The following TFAP2C variants were observed in gnomAD, a reference collection of about 807,000 sequenced individuals.
TFAP2C encodes the protein activating enhancer-binding protein 2 gamma.
Under a neutral mutation model 42.9 loss-of-function variants are expected in TFAP2C, and 9 were observed. The ratio of observed to expected loss-of-function variants is 0.21; its 90% CI spans 0.13 to 0.37. The LOEUF (loss-of-function observed/expected upper bound fraction) is 0.37. Among genes scored for constraint, TFAP2C ranks in the 10% least tolerant of loss-of-function variants. The probability of loss-of-function intolerance (pLI) is 1.00; values close to 1 mark genes in which losing one functional copy is unlikely to be tolerated. For synonymous variants in TFAP2C, 264 were observed against 256.0 expected, an observed-to-expected ratio of 1.03 and a Z score of -0.30; for missense variants, 462 against 591.7, an observed-to-expected ratio of 0.78 and a Z score of 2.27.
At chr20:56,632,041 T>C (rs1393525892) in intron 3 of TFAP2C, among the ~76,000 whole-genome samples, 185 bp downstream of exon 3, 1 of 152,240 alleles carries the variant, frequency 6.6e-6, no homozygotes, top group Non-Finnish European at 1.5e-5. Flanking sequence ...TCCTAGGAGC[T>C]GTCTCTTCAT....
Position 56,633,498 on chromosome 20 carries a change from G to A in TFAP2C, c.732G>A (p.Val244=). 6.2e-7 allele frequency: 1 copy of A among 1,614,122 alleles called. No homozygotes were observed. The highest frequency in any genetic ancestry group is 8.5e-7 in the Non-Finnish European group (1 of 1,180,026). Residue 244 remains valine, a synonymous_variant, in exon 4 of 7, where the codon GTG becomes GTA. Coordinates refer to ENST00000201031, the MANE Select transcript of TFAP2C (RefSeq NM_003222.4). ...CTACGTCTAAATACAAAGTGACAGT[G>A]GCTGAAGTACAGAGGCGACTGTCCC... The part of the protein sequence containing the change: ...LSSTSKYKVT[V]AEVQRRLSPP...
chr20:56,630,764 G>T lies in TFAP2C; in HGVS notation c.49-441G>T. The stretch of plus-strand genomic sequence containing the variant: ...CGCGCACTCTATCCGCGCCTGCCGC[G>T]CTGCCACCTCCAGCAGTCCCTGCGT... On this transcript the variant is annotated intron_variant, in intron 1 of 6. Transcript: ENST00000201031. This position sits in a 1 kb window ranked among gnomAD's most constrained non-coding sequence, Gnocchi z 5.1. 1.0e-6 allele frequency: 1 copy of T among 985,338 alleles called. No homozygotes were observed. The highest frequency in any genetic ancestry group is 1.2e-6 in the Non-Finnish European group (1 of 829,908). The allele number at this position is 985,338 out of a possible 1,614,324, so 61.0% of individuals were successfully genotyped here. A position where few individuals can be genotyped will look rare whatever the true frequency, so the allele number is the denominator to read the frequency against.
chr20:56,629,309 A>C lies in TFAP2C; in HGVS notation c.-236A>C. On this transcript the variant is annotated 5_prime_UTR_variant, in exon 1 of 7. Coordinates refer to ENST00000201031, the MANE Select transcript of TFAP2C (RefSeq NM_003222.4). The surrounding 1 kb of genome is among the most constrained non-coding windows in gnomAD (Gnocchi z 5.9). ...CTCGGGTCCCCCGGCTATCGCCAGG[A>C]CACACTGTTCGGGCGCGGCTTTCCC... 1 of 394,000 alleles carries C rather than the reference A, an allele frequency of 2.5e-6. No homozygotes were observed. Among genetic ancestry groups the C allele is most frequent in the Non-Finnish European group, 4.5e-6 (1 of 223,440 alleles). The allele number at this position is 394,000 out of a possible 1,614,324, so 24.4% of individuals were successfully genotyped here. A position where few individuals can be genotyped will look rare whatever the true frequency, so the allele number is the denominator to read the frequency against.
Position 56,631,462 on chromosome 20 carries a change from C to G in TFAP2C, c.306C>G (p.Ala102=), listed in dbSNP as rs562604858. 2 of 1,548,926 alleles carry G rather than the reference C, an allele frequency of 1.3e-6. No individual in the cohort carries two copies. Among genetic ancestry groups the G allele is most frequent in the Admixed American group, 2.0e-5 (1 of 50,848 alleles). ...QPAPTGSQQQ[A]WPGRQSQEGA... ...CGCCCACAGGCAGCCAGCAGCAGGC[C>G]TGGCCCGGCCGCCAGAGCCAGGAGG... The change falls in exon 2 of 7, where the codon GCC becomes GCG. Residue 102 remains alanine, a synonymous_variant. Coordinates refer to ENST00000201031, the MANE Select transcript of TFAP2C (RefSeq NM_003222.4). The surrounding 1 kb of genome is among the most constrained non-coding windows in gnomAD (Gnocchi z 6.1).
rs1296662141 is a variant in TFAP2C at position 56,630,891 on chromosome 20, C to A, written c.49-314C>A. 1 of 985,290 alleles carries A rather than the reference C, an allele frequency of 1.0e-6. No homozygotes were observed. The highest frequency in any genetic ancestry group is 1.2e-6 in the Non-Finnish European group (1 of 829,924). The allele number at this position is 985,290 out of a possible 1,614,324, so 61.0% of individuals were successfully genotyped here. On this transcript the variant is annotated intron_variant, in intron 1 of 6. Transcript: ENST00000201031. This position sits in a 1 kb window ranked among gnomAD's most constrained non-coding sequence, Gnocchi z 5.1. ...GGCTCCGGCCACGGACTTTTCTGGC[C>A]CAAGACCCAGGGTTCGGACTTGGCG...
intron 5 of TFAP2C, 151 bp from the exon 6 acceptor site, chr20:56,636,459 G>A: frequency 4.1e-6 from 3 of 739,430 alleles, no homozygotes; most frequent in East Asian, 2.9e-5. Context: ...TCCGGAGGTG[G>A]AGGTTGCAGT....
rs140675668 is a variant in TFAP2C at position 56,631,345 on chromosome 20, C to G, written c.189C>G (p.Pro63=). The change falls in exon 2 of 7, where the codon CCC becomes CCG. Residue 63 remains proline (P), a synonymous_variant. Coordinates refer to ENST00000201031, the MANE Select transcript of TFAP2C (RefSeq NM_003222.4). The surrounding 1 kb of genome is among the most constrained non-coding windows in gnomAD (Gnocchi z 6.1). ...AGCCGCCACCCTACTTTCCCCCTCC[C>G]TACCAGCAGCTGGCCTACTCCCAGT... ...EYQPPPYFPP[P]YQQLAYSQSA... is the part of the protein sequence containing the mutation. 0.01 allele frequency: 16,292 copies of G among 1,611,290 alleles called. 118 individuals carry two copies. The highest frequency in any genetic ancestry group is 0.012 in the Non-Finnish European group (13,941 of 1,179,066).
chr20:56,634,009 T>G, intron 4 of TFAP2C, 141 bp from the exon 5 acceptor site: 1 of 665,810 alleles, frequency 1.5e-6, no homozygotes, highest in Non-Finnish European at 2.7e-6. Flanking sequence ...TCACTTTTCA[T>G]TATGGTTCAC....
chr20:56,635,682 A>C (rs1243398411), intron 5 of TFAP2C, among the ~76,000 whole-genome samples: 1 of 152,180 alleles, frequency 6.6e-6, no homozygotes, highest in Non-Finnish European at 1.5e-5. Context: ...TAATATAAAG[A>C]GAAAACATGG....
intron 5 of TFAP2C, 104 bp from the exon 6 acceptor site, chr20:56,636,506 A>G (rs1987585665): frequency 7.7e-7 from 1 of 1,304,488 alleles, no homozygotes; most frequent in African/African-American, 1.5e-5. Flanking sequence ...AGCCTGGGCA[A>G]CAGAGCGAGA....
Position 56,630,713 on chromosome 20 carries a change from G to C in TFAP2C, c.49-492G>C. ...GGGCGTGGAAGGGAGGGTCCCGGGG[G>C]CGGGGGAGGTGCGCATTTCCCGCGC... On this transcript the variant is annotated intron_variant, in intron 1 of 6. Coordinates refer to ENST00000201031, the MANE Select transcript of TFAP2C (RefSeq NM_003222.4). The surrounding 1 kb of genome is among the most constrained non-coding windows in gnomAD (Gnocchi z 5.1). 1.0e-6 allele frequency: 1 copy of C among 985,378 alleles called. No individual in the cohort carries two copies. Among genetic ancestry groups the C allele is most frequent in the African/African-American group, 1.7e-5 (1 of 57,360 alleles). The allele number at this position is 985,378 out of a possible 1,614,324, so 61.0% of individuals were successfully genotyped here. A position where few individuals can be genotyped will look rare whatever the true frequency, so the allele number is the denominator to read the frequency against.
Position 56,631,962 on chromosome 20 carries a change from T to C in TFAP2C, c.586+106T>C. On this transcript the variant is annotated intron_variant, in intron 3 of 6. Coordinates refer to ENST00000201031, the MANE Select transcript of TFAP2C (RefSeq NM_003222.4). The surrounding 1 kb of genome is among the most constrained non-coding windows in gnomAD (Gnocchi z 6.1). ...GGTGGCCAGCGTGGGACATTTGTGGTAGAAGGGACTGAAAGGGATTCATGG... is the reference window on the plus strand; with the variant it reads ...GGTGGCCAGCGTGGGACATTTGTGGCAGAAGGGACTGAAAGGGATTCATGG... The C allele has an allele frequency of 7.8e-7, 1 of 1,274,274 alleles. No homozygotes were observed. Among genetic ancestry groups the C allele is most frequent in the South Asian group, 1.2e-5 (1 of 82,016 alleles). The allele number at this position is 1,274,274 out of a possible 1,614,324, so 78.9% of individuals were successfully genotyped here. A position where few individuals can be genotyped will look rare whatever the true frequency, so the allele number is the denominator to read the frequency against.
chr20:56,630,915 C>T lies in TFAP2C; in HGVS notation c.49-290C>T, dbSNP rs1289017029. 7.3e-5 allele frequency: 72 copies of T among 985,296 alleles called. No homozygotes were observed. Among genetic ancestry groups the T allele is most frequent in the Middle Eastern group, 5.2e-4 (1 of 1,934 alleles). The allele number at this position is 985,296 out of a possible 1,614,324, so 61.0% of individuals were successfully genotyped here. ...CCCAAGACCCAGGGTTCGGACTTGG[C>T]GCCTCCAAGCGCCTCGGGCTTGGGA... On this transcript the variant is annotated intron_variant, in intron 1 of 6. Transcript: ENST00000201031. The surrounding 1 kb of genome is among the most constrained non-coding windows in gnomAD (Gnocchi z 5.1).
rs1448688520 is a variant in TFAP2C at position 56,629,341 on chromosome 20, C to G, written c.-204C>G. The G allele has an allele frequency of 8.1e-5, 33 of 408,648 alleles. No homozygotes were observed. The South Asian group carries it at 8.6e-4, about 11-fold the overall frequency. 25.3% of individuals were successfully genotyped at this position (408,648 alleles called of 1,614,324 possible). ...GTTCGGGCGCGGCTTTCCCCGTCCG[C>G]GGAGCGGTCTTGACACTCGCGGCGG... On this transcript the variant is annotated 5_prime_UTR_variant, in exon 1 of 7. Transcript: ENST00000201031. This position sits in a 1 kb window ranked among gnomAD's most constrained non-coding sequence, Gnocchi z 5.9.
At position 56,631,011 on chromosome 20, in the gene TFAP2C, C is replaced by G; in HGVS notation, c.49-194C>G. ...CAGGTCTTTCACCAGACTCTCCTCC[C>G]TCCCCGCACTCTTTGCTTACAACGA... On this transcript the variant is annotated intron_variant, in intron 1 of 6. Coordinates refer to ENST00000201031, the MANE Select transcript of TFAP2C (RefSeq NM_003222.4). This position sits in a 1 kb window ranked among gnomAD's most constrained non-coding sequence, Gnocchi z 6.1. The G allele has an allele frequency of 1.0e-6, 1 of 985,422 alleles. No individual in the cohort carries two copies. The highest frequency in any genetic ancestry group is 1.2e-6 in the Non-Finnish European group (1 of 829,910). 61.0% of individuals were successfully genotyped at this position (985,422 alleles called of 1,614,324 possible).
intron 6 of TFAP2C, among the ~76,000 whole-genome samples, chr20:56,637,117 A>G (rs1987597427): frequency 6.6e-6 from 1 of 152,200 alleles, no homozygotes; most frequent in African/African-American, 2.4e-5. Flanking sequence ...TCCTGATAGC[A>G]AGACTTTTGT....
At position 56,634,287 on chromosome 20, in the gene TFAP2C, T is replaced by TA; in HGVS notation, c.922+19_922+20insA. The TA allele has an allele frequency of 1.3e-6, 2 of 1,561,530 alleles. No homozygotes were observed. The highest frequency in any genetic ancestry group is 1.7e-5 in the Admixed American group (1 of 59,072). On this transcript the variant is annotated intron_variant, in intron 5 of 6. Transcript: ENST00000201031. ...GTAGAAGGTCAGTGGGGTTTTGTTT[T>TA]TGGTTCGTGATGTTTTTAATTTGTG... is the stretch of plus-strand genomic sequence containing the variant.
rs930490124 is a variant in TFAP2C, at chr20:56,629,968, C to T, written c.48+376C>T. On this transcript the variant is annotated intron_variant, in intron 1 of 6. Coordinates refer to ENST00000201031, the MANE Select transcript of TFAP2C (RefSeq NM_003222.4). The surrounding 1 kb of genome is among the most constrained non-coding windows in gnomAD (Gnocchi z 5.9). ...CAAAGGGGTCAGATGAGGCTACCTG[C>T]TAGCGACACCTTGGCGGACACTCCT... Among the ~76,000 whole-genome samples the T allele has an allele frequency of 6.6e-6, 1 of 152,100 alleles. No individual in the cohort carries two copies. The highest frequency in any genetic ancestry group is 3.2e-3 in the Middle Eastern group (1 of 316).
rs1326100020 is a variant in TFAP2C at position 56,631,766 on chromosome 20, TC to T, written c.535-34del. ...GCCCCCACCCCGCACTCCTCTAGGC[TC>T]CCCCGAACTTAAGGGAATTTTGTCC... On this transcript the variant is annotated intron_variant, in intron 2 of 6. Coordinates refer to ENST00000201031, the MANE Select transcript of TFAP2C (RefSeq NM_003222.4). The surrounding 1 kb of genome is among the most constrained non-coding windows in gnomAD (Gnocchi z 6.1). The T allele has an allele frequency of 6.2e-6, 10 of 1,613,688 alleles. No homozygotes were observed. Among genetic ancestry groups the T allele is most frequent in the Non-Finnish European group, 8.5e-6 (10 of 1,179,934 alleles).
Sources: gnomAD v4.1 joint callset for allele counts (sites outside exome capture counted in the v4.1 genomes callset) on GRCh38, gnomAD v4.1.1 for gene constraint, Gnocchi (gnomAD v3.1) non-coding constraint, MANE v1.5 for transcripts, NCBI Gene and HGNC (gene_info 2026-07-23, HGNC 2026-07-21) for gene names.